Variants in GALNT17 observed in about 807,000 individuals in gnomAD.
GALNT17 encodes polypeptide N-acetylgalactosaminyltransferase 17.
Under a neutral mutation model 63.7 loss-of-function variants are expected in GALNT17, and 29 were observed. That is an observed-to-expected ratio of 0.46 (90% confidence interval 0.34 to 0.62). The LOEUF (loss-of-function observed/expected upper bound fraction) is 0.62. Ranked by LOEUF, GALNT17 falls within the 20% of genes least tolerant of loss-of-function variation. The pLI, the probability that GALNT17 is intolerant of heterozygous loss-of-function variation, is 0.01. For synonymous variants in GALNT17, 305 were observed against 318.3 expected (o/e 0.96, Z 0.45); for missense variants, 603 against 799.6 (o/e 0.75, Z 2.97).
chr7:71,410,210 G>A (rs74987655), intron 3 of GALNT17, among the ~76,000 whole-genome samples: 343 of 151,652 alleles, frequency 2.3e-3, no homozygotes, highest in African/African-American at 7.6e-3. Context: ...TGTGCTGCAC[G>A]CTTGGTTTAT....
chr7:71,144,491 G>T (rs561358957), intron 1 of GALNT17, among the ~76,000 whole-genome samples: 1 of 152,124 alleles, frequency 6.6e-6, no homozygotes, highest in Non-Finnish European at 1.5e-5. Flanking sequence ...AGTACAAGAG[G>T]TCACACCTAT....
intron 1 of GALNT17, among the ~76,000 whole-genome samples, chr7:71,222,437 T>G (rs2116423623): frequency 6.6e-6 from 1 of 151,592 alleles, no homozygotes; most frequent in East Asian, 2.0e-4. Context: ...GGATTACAGG[T>G]GTCCGCACCA....
intron 10 of GALNT17, among the ~76,000 whole-genome samples, chr7:71,711,622 G>A (rs938959991): frequency 2.7e-5 from 4 of 146,236 alleles, no homozygotes; most frequent in African/African-American, 5.1e-5. Context: ...TCTTCTCTCT[G>A]TTCCTCTCCT....
chr7:71,588,068 G>A (rs1393402850), intron 6 of GALNT17, among the ~76,000 whole-genome samples: 1 of 152,178 alleles, frequency 6.6e-6, no homozygotes, highest in Non-Finnish European at 1.5e-5. Flanking sequence ...AGTCTTGTCA[G>A]TGAGGGTGCT....
chr7:71,304,531 G>A (rs569207714), intron 1 of GALNT17, among the ~76,000 whole-genome samples: 2 of 152,012 alleles, frequency 1.3e-5, no homozygotes, highest in Non-Finnish European at 2.9e-5. Flanking sequence ...ACACTCCAAG[G>A]GCATCATTCT....
intron 1 of GALNT17, among the ~76,000 whole-genome samples, chr7:71,302,433 G>A (rs1328000689): frequency 6.6e-6 from 1 of 152,206 alleles, no homozygotes; most frequent in Non-Finnish European, 1.5e-5. Context: ...GGCTTCAGCT[G>A]TGTCATATTT....
intron 1 of GALNT17, among the ~76,000 whole-genome samples, chr7:71,334,498 G>C (rs1274348785): frequency 6.6e-6 from 1 of 152,120 alleles, no homozygotes; most frequent in Non-Finnish European, 1.5e-5. Context: ...TGTGTGCTGA[G>C]TAGCTGGAAC....
intron 5 of GALNT17, among the ~76,000 whole-genome samples, chr7:71,439,065 T>C (rs549933821): frequency 1.4e-4 from 22 of 151,942 alleles, no homozygotes; most frequent in African/African-American, 5.1e-4. Context: ...TTTTTTAAAA[T>C]TGTTTGTAGA....
intron 1 of GALNT17, among the ~76,000 whole-genome samples, chr7:71,141,702 A>C (rs372490069): frequency 6.8e-6 from 1 of 146,230 alleles, no homozygotes; most frequent in Non-Finnish European, 1.5e-5. Flanking sequence ...TTTGAAACAG[A>C]GTCTCGCTCT....
chr7:71,384,588 C>T (rs184923505), intron 2 of GALNT17, among the ~76,000 whole-genome samples: 4 of 152,200 alleles, frequency 2.6e-5, no homozygotes, highest in East Asian at 1.9e-4. Context: ...CCTTCATCAG[C>T]GGTAAAGACT....
intron 1 of GALNT17, among the ~76,000 whole-genome samples, chr7:71,196,216 G>A (rs1293371432): frequency 6.6e-6 from 1 of 151,160 alleles, no homozygotes; most frequent in Non-Finnish European, 1.5e-5. Flanking sequence ...TTGGCTCCCT[G>A]CAAACTCCGC....
chr7:71,184,979 CCTTCCTTCCTTCCTTCCTT>C (rs1788814289), intron 1 of GALNT17, among the ~76,000 whole-genome samples: 1 of 120,948 alleles, frequency 8.3e-6, no homozygotes, highest in Admixed American at 8.9e-5. Context: ...TTCCTTCCTT[CCTTCCTTCCTTCCTTCCTT>C]CTTCCTTCCC....
intron 5 of GALNT17, among the ~76,000 whole-genome samples, chr7:71,539,503 G>A (rs557830948): frequency 3.6e-4 from 55 of 152,206 alleles, no homozygotes; most frequent in African/African-American, 1.0e-3. Flanking sequence ...GTGCGTGCAC[G>A]TGTACAGGTA....
chr7:71,282,589 T>A (rs1030732878), intron 1 of GALNT17, among the ~76,000 whole-genome samples: 1 of 152,056 alleles, frequency 6.6e-6, no homozygotes, highest in Non-Finnish European at 1.5e-5. Context: ...AAATCCTGCA[T>A]AAGGGCAGAG....
intron 1 of GALNT17, among the ~76,000 whole-genome samples, chr7:71,277,447 A>G (rs1378340378): frequency 1.3e-5 from 2 of 152,208 alleles, no homozygotes; most frequent in African/African-American, 2.4e-5. Flanking sequence ...ATCACACAGT[A>G]TACCTATGTA....
chr7:71,560,367 A>C (rs2116851837), intron 5 of GALNT17, among the ~76,000 whole-genome samples: 1 of 152,142 alleles, frequency 6.6e-6, no homozygotes, highest in Middle Eastern at 3.4e-3. Flanking sequence ...TTATCCCCGC[A>C]AAACAGGATC....
In GALNT17 at chr7:71,712,142, A is replaced by C; in HGVS notation, c.1793A>C (p.Lys598Thr). 6.2e-7 allele frequency: 1 copy of C among 1,612,424 alleles called. No individual in the cohort carries two copies. Among genetic ancestry groups the C allele is most frequent in the Non-Finnish European group, 8.5e-7 (1 of 1,179,066 alleles). The change falls in exon 11 of 11, where the codon AAG becomes ACG. Residue 598 changes from lysine to threonine, a missense_variant. This residue lies in a region of GALNT17 where 72 missense variants were observed against 76.9 expected (regional missense o/e 0.94). Coordinates refer to ENST00000333538, the MANE Select transcript of GALNT17 (RefSeq NM_022479.3). ...AGGTGGACCATTAAGAACTCCATCAAGTAGAGGGAGGGAGCTGGGGCACTG... is the reference window on the plus strand; with the variant it reads ...AGGTGGACCATTAAGAACTCCATCACGTAGAGGGAGGGAGCTGGGGCACTG... ...GQRWTIKNSIK is the reference protein window; with the variant it reads ...GQRWTIKNSIT
chr7:71,712,174 G>A lies in GALNT17; in HGVS notation c.*28G>A. Reference sequence around the variant, plus strand: ...GGAGGGAGCTGGGGCACTGGAGCCTGGCCCCCAGGACATGGCTGCTCCCCC... The same window carrying A: ...GGAGGGAGCTGGGGCACTGGAGCCTAGCCCCCAGGACATGGCTGCTCCCCC... On this transcript the variant is annotated 3_prime_UTR_variant, in exon 11 of 11. Coordinates refer to ENST00000333538, the MANE Select transcript of GALNT17 (RefSeq NM_022479.3). 1 of 1,605,530 alleles carries A rather than the reference G, an allele frequency of 6.2e-7. No individual in the cohort carries two copies. Among genetic ancestry groups the A allele is most frequent in the Non-Finnish European group, 8.5e-7 (1 of 1,175,354 alleles).
intron 3 of GALNT17, among the ~76,000 whole-genome samples, chr7:71,397,006 T>G (rs200960263): frequency 3.3e-5 from 5 of 152,074 alleles, no homozygotes; most frequent in African/African-American, 1.2e-4. Context: ...CTCCAGTAGG[T>G]TTTTTTGTAG....
Sources: gnomAD v4.1 joint callset for allele counts (sites outside exome capture counted in the v4.1 genomes callset) on GRCh38, gnomAD v4.1.1 for gene constraint, gnomAD v4.1.1 regional missense constraint, MANE v1.5 for transcripts, NCBI Gene and HGNC (gene_info 2026-07-23, HGNC 2026-07-21) for gene names.